TPCN2: variants seen among roughly 807,000 people sequenced by gnomAD.
TPCN2 encodes two pore channel protein 2.
TPCN2 carries 92 observed loss-of-function variants against 111.4 expected under a neutral mutation model. That is an observed-to-expected ratio of 0.83 (90% confidence interval 0.70 to 0.98). The LOEUF is 0.98. Among genes scored for constraint, TPCN2 ranks in the 50% least tolerant of loss-of-function variants. TPCN2 has a pLI of 0.00. For missense variants in TPCN2, 995 were observed against 980.1 expected (o/e 1.02, Z -0.20); for synonymous variants, 405 against 414.5 (o/e 0.98, Z 0.28).
At chr11:69,058,862 C>T (rs140014701) in intron 5 of TPCN2, among the ~76,000 whole-genome samples, 8 of 152,256 alleles carry the variant, frequency 5.3e-5, no homozygotes, top group African/African-American at 1.9e-4. Context: ...TTCTGAGTTA[C>T]GGTTGTGGCA....
rs1279250266 is a variant in TPCN2 at position 69,080,726 on chromosome 11, CT to C, written c.1590-672del. On this transcript the variant is annotated intron_variant, in intron 17 of 24. Coordinates refer to ENST00000294309, the MANE Select transcript of TPCN2 (RefSeq NM_139075.4). ...CAGCTCCCTAGGAAGCCCCCCAGAA[CT>C]TACCTCAGGAAGGCAGGCAGTGCCA... 2.6e-5 allele frequency among the ~76,000 whole-genome samples: 4 copies of C among 152,206 alleles called. No individual in the cohort carries two copies. The East Asian group carries it at 7.7e-4, about 29-fold the overall frequency.
chr11:69,079,697 C>A, intron 16 of TPCN2, 137 bp from the exon 17 acceptor site: 1 of 756,318 alleles, frequency 1.3e-6, no homozygotes, highest in South Asian at 2.0e-5. Flanking sequence ...CCGTGGGGTC[C>A]AGGACCAAGC....
At position 69,086,963 on chromosome 11, in the gene TPCN2, G is replaced by C; in HGVS notation, c.2086-149G>C. The stretch of plus-strand genomic sequence containing the variant: ...ACATTGGCTCCAGGAGGAGCCAGCA[G>C]CCTCGTGGGGCCTGTGCCTGGGTGT... On this transcript the variant is annotated intron_variant, in intron 23 of 24. Coordinates refer to ENST00000294309, the MANE Select transcript of TPCN2 (RefSeq NM_139075.4). The C allele has an allele frequency of 1.1e-5, 7 of 653,826 alleles. No individual in the cohort carries two copies. The African/African-American group carries it at 1.1e-4, about 10-fold the overall frequency. 40.5% of individuals were successfully genotyped at this position (653,826 alleles called of 1,614,324 possible).
In TPCN2 at chr11:69,081,421, G is replaced by T; in HGVS notation, c.1611G>T (p.Leu537=). The T allele has an allele frequency of 6.4e-7, 1 of 1,559,210 alleles. No homozygotes were observed. The change falls in exon 18 of 25, where the codon CTG becomes CTT. Residue 537 remains leucine, a synonymous_variant. Transcript: ENST00000294309. ...CCAGGAGGCCGGAGATGGTGGGCCTGCTGTCGCTGTGGGACATGACCCGCA... is the reference window on the plus strand; with the variant it reads ...CCAGGAGGCCGGAGATGGTGGGCCTTCTGTCGCTGTGGGACATGACCCGCA... ...HPGWRPEMVG[L]LSLWDMTRML...
chr11:69,073,444 G>A (rs1205506577), intron 13 of TPCN2, among the ~76,000 whole-genome samples: 1 of 152,240 alleles, frequency 6.6e-6, no homozygotes, highest in Non-Finnish European at 1.5e-5. Flanking sequence ...AACAGCCCAG[G>A]TGCTCACAGG....
chr11:69,086,617 C>A lies in TPCN2; in HGVS notation c.2085+13C>A. 6.2e-7 allele frequency: 1 copy of A among 1,612,220 alleles called. No homozygotes were observed. Among genetic ancestry groups the A allele is most frequent in the African/African-American group, 1.3e-5 (1 of 74,978 alleles). ...CCTGATTCTGGAGGTATCAGAGATC[C>A]CCACCCAGGCTGTTCTCCATGGTCG... On this transcript the variant is annotated intron_variant, in intron 23 of 24. Coordinates refer to ENST00000294309, the MANE Select transcript of TPCN2 (RefSeq NM_139075.4).
intron 6 of TPCN2, 151 bp downstream of exon 6, chr11:69,063,141 G>T: frequency 1.5e-6 from 1 of 657,610 alleles, no homozygotes. Flanking sequence ...GAGGCTGCTG[G>T]GGGGCTTTTG....
intron 2 of TPCN2, chr11:69,054,411 G>T: frequency 3.5e-6 from 2 of 564,124 alleles, no homozygotes; most frequent in Non-Finnish European, 6.4e-6. Flanking sequence ...GGTCAGCCTT[G>T]CACAGAGAAG....
chr11:69,084,779 A>C (rs918540456), intron 19 of TPCN2: 1 of 985,322 alleles, frequency 1.0e-6, no homozygotes, highest in Non-Finnish European at 1.2e-6. Context: ...TGGGAAGAGA[A>C]TCTTGCCTCA....
intron 1 of TPCN2, among the ~76,000 whole-genome samples, chr11:69,050,657 C>T (rs868094051): frequency 6.6e-6 from 1 of 152,232 alleles, no homozygotes; most frequent in Non-Finnish European, 1.5e-5. Flanking sequence ...GGATTACAGG[C>T]GTGAGCCACT....
In TPCN2 at chr11:69,055,358, G is replaced by A; in HGVS notation, c.429+6G>A. The A allele has an allele frequency of 6.2e-7, 1 of 1,601,036 alleles. No homozygotes were observed. On this transcript the variant is annotated splice_donor_region_variant and intron_variant, in intron 4 of 24. Coordinates refer to ENST00000294309, the MANE Select transcript of TPCN2 (RefSeq NM_139075.4). ...CGGCCGACCTCTCTGTGAAGGTGAGGCGGGCGCCAGGCCCTCTACGTGCTG... is the reference window on the plus strand; with the variant it reads ...CGGCCGACCTCTCTGTGAAGGTGAGACGGGCGCCAGGCCCTCTACGTGCTG...
rs188079825 is a variant in TPCN2 at position 69,084,322 on chromosome 11, G to A, written c.1761+306G>A. Among the ~76,000 whole-genome samples, 79 of 152,318 alleles carry A rather than the reference G, an allele frequency of 5.2e-4. No individual in the cohort carries two copies. In the East Asian group the frequency reaches 0.014, roughly 26 times the overall value. ...TCGTGTTTTCTGGGTTGTGGATCTCGTTGAGAAAGTAATGACAGAAATTTA... is the reference window on the plus strand; with the variant it reads ...TCGTGTTTTCTGGGTTGTGGATCTCATTGAGAAAGTAATGACAGAAATTTA... On this transcript the variant is annotated intron_variant, in intron 19 of 24. Coordinates refer to ENST00000294309, the MANE Select transcript of TPCN2 (RefSeq NM_139075.4).
chr11:69,072,487 A>G (rs1378459308), intron 11 of TPCN2, 140 bp from the exon 12 acceptor site: 8 of 739,472 alleles, frequency 1.1e-5, no homozygotes, highest in Admixed American at 2.7e-5. Context: ...TGCTCGTTAC[A>G]GGGGCTCTTG....
intron 8 of TPCN2, among the ~76,000 whole-genome samples, chr11:69,067,893 C>T (rs1855343069): frequency 1.3e-5 from 2 of 152,144 alleles, no homozygotes; most frequent in Non-Finnish European, 1.5e-5. Context: ...ATCTCCTCTT[C>T]CTCCTTGTCT....
At chr11:69,054,644 G>C in intron 2 of TPCN2, 77 bp from the exon 3 acceptor site, 1 of 1,360,384 alleles carries the variant, frequency 7.4e-7, no homozygotes, top group South Asian at 1.2e-5. Context: ...GGCCTGTCTC[G>C]TGTGTGGTGT....
In TPCN2 at chr11:69,063,758, G is replaced by T. The variant is rs1855129040; in HGVS notation, c.654-137G>T. 6.7e-6 allele frequency: 5 copies of T among 751,686 alleles called. No individual in the cohort carries two copies. The South Asian group carries it at 8.2e-5, about 12-fold the overall frequency. 46.6% of individuals were successfully genotyped at this position (751,686 alleles called of 1,614,324 possible). A position where few individuals can be genotyped will look rare whatever the true frequency, so the allele number is the denominator to read the frequency against. The stretch of plus-strand genomic sequence containing the variant: ...CATGAGGCAAGGCCCTCGGGGAGAG[G>T]GGGACCCAGCTGCTGCCTGGATCCA... On this transcript the variant is annotated intron_variant, in intron 6 of 24. Transcript: ENST00000294309.
At chr11:69,069,252 G>A (rs376303821) in intron 8 of TPCN2, among the ~76,000 whole-genome samples, 3 of 103,862 alleles carry the variant, frequency 2.9e-5, no homozygotes, top group Non-Finnish European at 4.1e-5. Flanking sequence ...GAGCAGGACC[G>A]TCTGAGTCCT....
chr11:69,063,826 C>G, intron 6 of TPCN2, 69 bp from the exon 7 acceptor site: 1 of 1,514,732 alleles, frequency 6.6e-7, no homozygotes, highest in East Asian at 2.3e-5. Context: ...TCACCGAGCC[C>G]TGCAGGCAGG....
chr11:69,080,022 G>GCCCA, intron 17 of TPCN2, 139 bp downstream of exon 17: 1 of 748,246 alleles, frequency 1.3e-6, no homozygotes, highest in Non-Finnish European at 2.2e-6. Flanking sequence ...GAATGGGTGG[G>GCCCA]CCGATCCCAC....
Sources: gnomAD v4.1 joint callset for allele counts (sites outside exome capture counted in the v4.1 genomes callset) on GRCh38, gnomAD v4.1.1 for gene constraint, MANE v1.5 for transcripts, NCBI Gene and HGNC (gene_info 2026-07-23, HGNC 2026-07-21) for gene names.